Variants in CATSPERB observed in about 807,000 individuals in gnomAD.
The protein encoded by CATSPERB is catsper channel auxiliary subunit beta, also known as cation channel sperm-associated auxiliary subunit beta.
A neutral mutation model predicts 128.3 loss-of-function variants in CATSPERB; 93 were observed. The observed-to-expected ratio is 0.72, with a 90% confidence interval of 0.61 to 0.86. The LOEUF (loss-of-function observed/expected upper bound fraction) is 0.86. Ranked by LOEUF, CATSPERB falls within the 40% of genes least tolerant of loss-of-function variation. The pLI, the probability that CATSPERB is intolerant of heterozygous loss-of-function variation, is 0.00. For synonymous variants in CATSPERB, 381 were observed against 448.8 expected (o/e 0.85, Z 1.91); for missense variants, 1,153 against 1,329.5 (o/e 0.87, Z 2.06).
At chr14:91,615,115 G>A (rs1893911196) in intron 20 of CATSPERB, among the ~76,000 whole-genome samples, 1 of 152,142 alleles carries the variant, frequency 6.6e-6, no homozygotes, top group Admixed American at 6.5e-5. Flanking sequence ...CCCGGGCTGA[G>A]GACCAGTACC....
chr14:91,623,143 C>A (rs1261191962), intron 18 of CATSPERB, among the ~76,000 whole-genome samples: 1 of 152,182 alleles, frequency 6.6e-6, no homozygotes, highest in Non-Finnish European at 1.5e-5. Flanking sequence ...GATCCACCTG[C>A]CTCAGCCTCC....
intron 14 of CATSPERB, among the ~76,000 whole-genome samples, chr14:91,664,575 C>G (rs1384068578): frequency 6.6e-6 from 1 of 152,124 alleles, no homozygotes; most frequent in Non-Finnish European, 1.5e-5. Flanking sequence ...CTTGATAACT[C>G]ATTTCTGCTT....
intron 11 of CATSPERB, among the ~76,000 whole-genome samples, chr14:91,675,260 C>A (rs1344008349): frequency 2.0e-5 from 3 of 152,194 alleles, no homozygotes; most frequent in Non-Finnish European, 1.5e-5. Flanking sequence ...GGCTAGCTGA[C>A]CCTGCAGCTG....
chr14:91,721,041 A>G (rs1896019919), intron 4 of CATSPERB, among the ~76,000 whole-genome samples: 1 of 152,210 alleles, frequency 6.6e-6, no homozygotes, highest in Non-Finnish European at 1.5e-5. Context: ...AAGAATGAGT[A>G]AGGACCCTTA....
At chr14:91,719,588 T>C (rs1274803680) in intron 4 of CATSPERB, 110 bp from the exon 5 acceptor site, 2 of 677,598 alleles carry the variant, frequency 3.0e-6, no homozygotes, top group East Asian at 3.0e-5. Flanking sequence ...CCAATGCATA[T>C]ACCTTTTACC....
At chr14:91,706,096 C>T (rs1257629600) in intron 6 of CATSPERB, among the ~76,000 whole-genome samples, 1 of 152,322 alleles carries the variant, frequency 6.6e-6, no homozygotes, top group South Asian at 2.1e-4. Flanking sequence ...ACATTCTCCT[C>T]TGTCTCCCCA....
intron 2 of CATSPERB, among the ~76,000 whole-genome samples, chr14:91,726,389 G>A (rs974090296): frequency 1.3e-4 from 20 of 152,158 alleles, no homozygotes; most frequent in Non-Finnish European, 2.9e-4. Flanking sequence ...TAAGGGGTTC[G>A]AGTGCCAGAA....
In CATSPERB at chr14:91,621,637, A is replaced by G; in HGVS notation, c.2231T>C (p.Leu744Ser). ...KYIDLGNSYV[L>S]KAKVIRNAKG... is the part of the protein sequence containing the mutation. ...TGCATTCCGTATGACCTTAGCTTTT[A>G]AAACATAAGAGTTTCCCAGATCAAT... The change falls in exon 19 of 27, where the codon TTA (leucine) becomes TCA (serine). Residue 744 changes from leucine (L) to serine (S), a missense_variant. Transcript: ENST00000256343. 1 of 1,606,868 alleles carries G rather than the reference A, an allele frequency of 6.2e-7. No individual in the cohort carries two copies. Among genetic ancestry groups the G allele is most frequent in the Non-Finnish European group, 8.5e-7 (1 of 1,175,862 alleles).
At chr14:91,701,779 C>T (rs369917539) in intron 7 of CATSPERB, among the ~76,000 whole-genome samples, 9 of 151,884 alleles carry the variant, frequency 5.9e-5, no homozygotes, top group East Asian at 1.9e-4. Flanking sequence ...GGTGTGGTGG[C>T]GTGTACCTGT....
chr14:91,728,799 C>A (rs189389623), intron 2 of CATSPERB, among the ~76,000 whole-genome samples: 2 of 152,188 alleles, frequency 1.3e-5, no homozygotes, highest in East Asian at 1.9e-4. Context: ...CAATGGAATG[C>A]CTGCTCTGAC....
Position 91,610,662 on chromosome 14 carries a change from C to T in CATSPERB, c.2416G>A (p.Ala806Thr). ...KVLHQGSTSL[A>T]FIMWSASTEC... ...GTAGAGGCTGACCACATAATAAATG[C>T]CAGTGAAGTTGAACCCTGGAAATAA... The change falls in exon 21 of 27, where the codon GCA becomes ACA. Residue 806 changes from alanine (A) to threonine (T), a missense_variant. Transcript: ENST00000256343. 1 of 1,611,202 alleles carries T rather than the reference C, an allele frequency of 6.2e-7. No individual in the cohort carries two copies. The highest frequency in any genetic ancestry group is 8.5e-7 in the Non-Finnish European group (1 of 1,177,914).
At chr14:91,725,054 T>A (rs771223756) in intron 3 of CATSPERB, 26 bp downstream of exon 3, 1 of 1,249,960 alleles carries the variant, frequency 8.0e-7, no homozygotes, top group Non-Finnish European at 1.1e-6. Flanking sequence ...TGAAGGGTTA[T>A]AACACATGCT....
At chr14:91,606,759 C>T (rs1272111293) in intron 22 of CATSPERB, among the ~76,000 whole-genome samples, 1 of 152,084 alleles carries the variant, frequency 6.6e-6, no homozygotes, top group Non-Finnish European at 1.5e-5. Context: ...CAGAAAATGT[C>T]TGGATAGTGC....
At chr14:91,611,887 T>A (rs1278408128) in intron 20 of CATSPERB, among the ~76,000 whole-genome samples, 2 of 152,236 alleles carry the variant, frequency 1.3e-5, no homozygotes, top group African/African-American at 2.4e-5. Context: ...AAATATTTTT[T>A]AAAGACTTAT....
At chr14:91,636,339 G>C in intron 17 of CATSPERB, 86 bp downstream of exon 17, 1 of 1,260,894 alleles carries the variant, frequency 7.9e-7, no homozygotes, top group Admixed American at 1.9e-5. Context: ...CTCCAGCCTG[G>C]ATGACAGAGC....
At chr14:91,593,910 CGCT>C (rs57950132) in intron 22 of CATSPERB, among the ~76,000 whole-genome samples, 106,762 of 151,564 alleles carry the variant, frequency 0.7, 38,008 homozygotes, top group East Asian at 0.96. Context: ...GAATCATGGG[CGCT>C]GCTGGTCTTT....
intron 24 of CATSPERB, among the ~76,000 whole-genome samples, chr14:91,588,398 T>C (rs1413418202): frequency 7.2e-5 from 11 of 152,134 alleles, no homozygotes; most frequent in Admixed American, 7.2e-4. Context: ...ATGCTGACCT[T>C]TTCCTTCCAG....
intron 22 of CATSPERB, among the ~76,000 whole-genome samples, chr14:91,600,607 T>C (rs1893593421): frequency 6.6e-6 from 1 of 152,248 alleles, no homozygotes; most frequent in Non-Finnish European, 1.5e-5. Flanking sequence ...CATACTTTTA[T>C]GTAAGAGGCT....
intron 22 of CATSPERB, among the ~76,000 whole-genome samples, chr14:91,596,955 C>T (rs1441746382): frequency 5.3e-5 from 8 of 151,456 alleles, no homozygotes; most frequent in Non-Finnish European, 8.8e-5. Flanking sequence ...GACGCCATCT[C>T]GGCTCACTGC....
Sources: allele counts gnomAD v4.1 joint callset (sites outside exome capture counted in the v4.1 genomes callset), GRCh38; gene constraint gnomAD v4.1.1; transcripts MANE v1.5; gene names NCBI Gene and HGNC (gene_info 2026-07-23, HGNC 2026-07-21).